Variants in FUS observed in about 807,000 individuals in gnomAD.
FUS encodes FUS RNA binding protein, also known as RNA-binding protein FUS.
In FUS, 5 loss-of-function variants were observed where a neutral mutation model predicts 82.7. That is an observed-to-expected ratio of 0.06 (90% CI 0.03 to 0.13). The LOEUF (loss-of-function observed/expected upper bound fraction) is 0.13, where lower values mean the gene tolerates loss of function less well. Among genes scored for constraint, FUS ranks in the 10% least tolerant of loss-of-function variants. FUS has a pLI of 1.00. For missense variants in FUS, 512 were observed against 707.8 expected, an observed-to-expected ratio of 0.72 and a Z score of 3.14; for synonymous variants, 281 against 247.4, an observed-to-expected ratio of 1.14 and a Z score of -1.27.
rs1240931401 is a variant in FUS, at chr16:31,185,151, G to A, written c.736G>A (p.Gly246Ser). 6.2e-7 allele frequency: 1 copy of A among 1,610,814 alleles called. No individual in the cohort carries two copies. Among genetic ancestry groups the A allele is most frequent in the East Asian group, 2.2e-5 (1 of 44,780 alleles). The stretch of plus-strand genomic sequence containing the variant: ...TGGCTATGAACCCAGAGGTCGTGGA[G>A]GTGGCCGTGGAGGCAGAGGTGGCAT... ...SGGYEPRGRG[G>S]GRGGRGGMGG... The change falls in exon 6 of 15, where the codon GGT becomes AGT. Residue 246 changes from glycine to serine, a missense_variant. Coordinates refer to ENST00000254108, the MANE Select transcript of FUS (RefSeq NM_004960.4).
chr16:31,194,733 GAACATAC>G, downstream of FUS: 1 of 485,164 alleles, frequency 2.1e-6, no homozygotes, highest in Non-Finnish European at 4.1e-6. Context: ...GCATGAATGA[GAACATAC>G]AAAGCCACTC....
At chr16:31,185,578 C>T (rs1403339813) in intron 6 of FUS, 3 of 531,680 alleles carry the variant, frequency 5.6e-6, no homozygotes, top group Middle Eastern at 2.8e-4. Flanking sequence ...CCCATGTGTC[C>T]TCTAGGGAGT....
In FUS at chr16:31,191,572, C is replaced by G. The variant is rs1567479411; in HGVS notation, c.*134C>G. Reference sequence around the variant, plus strand: ...GGACTATGTAATTGTAACTATACCTCTGGTTCCCATTAAAAGTGACCATTT... The same window carrying G: ...GGACTATGTAATTGTAACTATACCTGTGGTTCCCATTAAAAGTGACCATTT... On this transcript the variant is annotated 3_prime_UTR_variant, in exon 15 of 15. Transcript: ENST00000254108. 5.2e-6 allele frequency: 5 copies of G among 959,998 alleles called. No individual in the cohort carries two copies. The highest frequency in any genetic ancestry group is 3.0e-4 in the Middle Eastern group (1 of 3,358). The allele number at this position is 959,998 out of a possible 1,614,324, so 59.5% of individuals were successfully genotyped here.
At chr16:31,181,162 G>T (rs1318863749) in intron 1 of FUS, among the ~76,000 whole-genome samples, 1 of 152,200 alleles carries the variant, frequency 6.6e-6, no homozygotes, top group Non-Finnish European at 1.5e-5. Flanking sequence ...TGATCCGCCC[G>T]CCTGGGCCTC....
intron 7 of FUS, 146 bp from the exon 8 acceptor site, chr16:31,188,179 A>G (rs542596682): frequency 1.2e-6 from 1 of 826,362 alleles, no homozygotes; most frequent in South Asian, 1.6e-5. Flanking sequence ...AAGGGTTTGG[A>G]GTGAGGCTGT....
downstream of FUS, chr16:31,193,209 C>T (rs1289195243): frequency 6.1e-6 from 3 of 493,380 alleles, no homozygotes; most frequent in African/African-American, 1.9e-5. Context: ...CCCAATAAAC[C>T]ATGACTTTTA....
At chr16:31,185,533 C>T in intron 6 of FUS, 1 of 564,810 alleles carries the variant, frequency 1.8e-6, no homozygotes, top group Non-Finnish European at 3.4e-6. Flanking sequence ...TGATCCCACT[C>T]CTGGGAAATA....
rs34242298 is a variant in FUS, at chr16:31,180,918, CT to C, written c.13+702del. On this transcript the variant is annotated intron_variant, in intron 1 of 14. Coordinates refer to ENST00000254108, the MANE Select transcript of FUS (RefSeq NM_004960.4). ...GAGTTTTTCCCGCCTAAATTTCTTTCTTTTTTTTTTTGGAGACACGGTCTTC... is the reference window on the plus strand; with the variant it reads ...GAGTTTTTCCCGCCTAAATTTCTTTCTTTTTTTTTTGGAGACACGGTCTTC... Among the ~76,000 whole-genome samples, 1,146 of 147,746 alleles carry C rather than the reference CT, an allele frequency of 7.8e-3. 11 individuals are homozygous for C. The highest frequency in any genetic ancestry group is 0.025 in the African/African-American group (1,030 of 40,412).
chr16:31,185,276 C>T, intron 6 of FUS, 97 bp downstream of exon 6: 1 of 1,381,980 alleles, frequency 7.2e-7, no homozygotes, highest in South Asian at 1.4e-5. Flanking sequence ...GTTTAGTATT[C>T]TTGTTGTCTA....
At chr16:31,185,541 ATAG>A (rs1567473053) in intron 6 of FUS, 5 of 556,826 alleles carry the variant, frequency 9.0e-6, no homozygotes, top group Admixed American at 2.2e-5. Context: ...CTCCTGGGAA[ATAG>A]TAGGGAAACT....
At chr16:31,191,919 A>G (rs2079367448), downstream of FUS, 1 of 535,212 alleles carries the variant, frequency 1.9e-6, no homozygotes, top group South Asian at 1.5e-5. Flanking sequence ...ATCCCTTTTT[A>G]AGAACTCTTT....
chr16:31,190,019 G>T, intron 10 of FUS, 21 bp from the exon 11 acceptor site: 1 of 1,599,262 alleles, frequency 6.3e-7, no homozygotes, highest in South Asian at 1.1e-5. Context: ...AAAGTCTGTT[G>T]ATGATTTTTT....
intron 3 of FUS, 34 bp downstream of exon 3, chr16:31,182,698 TC>T (rs750640051): frequency 1.9e-6 from 3 of 1,613,658 alleles, no homozygotes; most frequent in Non-Finnish European, 2.5e-6. Flanking sequence ...CTCTTCCTAC[TC>T]TTTCTGAATA....
At chr16:31,189,376 G>A in intron 9 of FUS, 150 bp downstream of exon 9, 2 of 800,416 alleles carry the variant, frequency 2.5e-6, no homozygotes, top group Non-Finnish European at 4.3e-6. Context: ...AAGAGCCTTA[G>A]TTACTGTTTT....
downstream of FUS, chr16:31,191,719 C>G (rs772503657): frequency 4.5e-6 from 3 of 663,950 alleles, no homozygotes; most frequent in Non-Finnish European, 8.3e-6. Flanking sequence ...ATACAGTGTT[C>G]GGGGAGAAGG....
At chr16:31,181,770 A>G (rs2079183104) in intron 1 of FUS, among the ~76,000 whole-genome samples, 1 of 152,164 alleles carries the variant, frequency 6.6e-6, no homozygotes, top group Non-Finnish European at 1.5e-5. Flanking sequence ...GATGAAACGA[A>G]TGCGCGATGT....
At chr16:31,185,266 G>A in intron 6 of FUS, 87 bp downstream of exon 6, 2 of 1,428,966 alleles carry the variant, frequency 1.4e-6, no homozygotes, top group Non-Finnish European at 9.4e-7. Context: ...CTAGTGCATG[G>A]TTTAGTATTC....
intron 6 of FUS, chr16:31,186,413 C>T (rs762925925): frequency 2.6e-6 from 1 of 388,118 alleles, no homozygotes; most frequent in African/African-American, 2.0e-5. Context: ...CTACCCCAGC[C>T]TGGTGTGAAA....
At chr16:31,193,553 G>A, downstream of FUS, 1 of 529,954 alleles carries the variant, frequency 1.9e-6, no homozygotes, top group Non-Finnish European at 3.7e-6. Context: ...TGTAAGATAT[G>A]ATTACTGGGA....
Sources: gnomAD v4.1 joint callset for allele counts (sites outside exome capture counted in the v4.1 genomes callset) on GRCh38, gnomAD v4.1.1 for gene constraint, MANE v1.5 for transcripts, NCBI Gene and HGNC (gene_info 2026-07-23, HGNC 2026-07-21) for gene names.